Variants in FTO observed in about 807,000 individuals in gnomAD.
FTO encodes the protein alpha-ketoglutarate-dependent dioxygenase FTO.
FTO carries 47 observed loss-of-function variants against 63.9 expected under a neutral mutation model. That is an observed-to-expected ratio of 0.74 (90% CI 0.58 to 0.94). The LOEUF (loss-of-function observed/expected upper bound fraction) is 0.94. FTO is among the 40% of genes least tolerant of loss of function. FTO has a pLI of 0.00. For missense variants in FTO, 562 were observed against 618.1 expected (o/e 0.91, Z 0.96); for synonymous variants, 207 against 224.4 (o/e 0.92, Z 0.69).
intron 7 of FTO, among the ~76,000 whole-genome samples, chr16:53,905,938 A>T (rs148759145): frequency 0.014 from 2,180 of 152,304 alleles, 25 homozygotes; most frequent in Middle Eastern, 0.037. Context: ...GGCGTAATCC[A>T]TTTGAAAAAC....
At chr16:53,708,434 A>G (rs537177939) in intron 1 of FTO, among the ~76,000 whole-genome samples, 4 of 151,910 alleles carry the variant, frequency 2.6e-5, no homozygotes, top group Non-Finnish European at 5.9e-5. Context: ...GTTGATGGAC[A>G]TTTGATTTGT....
intron 6 of FTO, chr16:53,887,001 T>C (rs1205689768): frequency 6.6e-6 from 1 of 152,210 alleles, no homozygotes; most frequent in Non-Finnish European, 1.5e-5. Context: ...GATTTTCAAG[T>C]TGATGAATGA....
At chr16:54,013,603 A>G (rs2084374995) in intron 8 of FTO, 1 of 152,198 alleles carries the variant, frequency 6.6e-6, no homozygotes, top group African/African-American at 2.4e-5. Context: ...TCATTGTCTT[A>G]TTTTAAGAAA....
chr16:53,995,074 A>T (rs2143941159), intron 8 of FTO, among the ~76,000 whole-genome samples: 1 of 152,342 alleles, frequency 6.6e-6, no homozygotes, highest in African/African-American at 2.4e-5. Flanking sequence ...GTACTGCTGT[A>T]TGCAGTGGCC....
chr16:53,811,003 G>A (rs2078505832), intron 2 of FTO, among the ~76,000 whole-genome samples: 1 of 152,162 alleles, frequency 6.6e-6, no homozygotes, highest in Non-Finnish European at 1.5e-5. Flanking sequence ...AATTATCCAG[G>A]AAGTAATCCT....
chr16:53,825,120 G>C (rs1299529673), intron 2 of FTO, among the ~76,000 whole-genome samples: 1 of 152,176 alleles, frequency 6.6e-6, no homozygotes, highest in East Asian at 1.9e-4. Context: ...CATTTACTGA[G>C]TAAATTCTGG....
At chr16:53,773,755 G>A (rs559236914) in intron 1 of FTO, among the ~76,000 whole-genome samples, 1 of 152,220 alleles carries the variant, frequency 6.6e-6, no homozygotes, top group South Asian at 2.1e-4. Context: ...TGTGTGTAAC[G>A]TAAACATATT....
intron 6 of FTO, chr16:53,887,118 G>C (rs532981342): frequency 6.6e-6 from 1 of 152,294 alleles, no homozygotes; most frequent in Non-Finnish European, 1.5e-5. Flanking sequence ...GGGGCAAAAC[G>C]TTCAACCTGA....
At chr16:54,004,874 T>C (rs1325053481) in intron 8 of FTO, among the ~76,000 whole-genome samples, 2 of 151,848 alleles carry the variant, frequency 1.3e-5, no homozygotes, top group African/African-American at 2.4e-5. Flanking sequence ...ATCAAGACCA[T>C]CCTGGCTAGT....
chr16:53,795,565 C>T (rs2078041245), intron 1 of FTO, among the ~76,000 whole-genome samples: 1 of 152,084 alleles, frequency 6.6e-6, no homozygotes, highest in Admixed American at 6.6e-5. Context: ...GTCTCAGCCT[C>T]CCACAAGTGT....
At chr16:53,820,979 T>G (rs950383966) in intron 2 of FTO, among the ~76,000 whole-genome samples, 1 of 152,106 alleles carries the variant, frequency 6.6e-6, no homozygotes, top group African/African-American at 2.4e-5. Context: ...TCCCATGCCA[T>G]TATTTTCTTT....
chr16:53,792,813 TC>T (rs2077961053), intron 1 of FTO, among the ~76,000 whole-genome samples: 2 of 152,182 alleles, frequency 1.3e-5, no homozygotes, highest in African/African-American at 4.8e-5. Flanking sequence ...GAGGAGTTTC[TC>T]CTCTTGGAAA....
chr16:53,917,341 T>C (rs1437359217), intron 7 of FTO, among the ~76,000 whole-genome samples: 1 of 152,228 alleles, frequency 6.6e-6, no homozygotes, highest in Non-Finnish European at 1.5e-5. Context: ...TGGGTTTAAC[T>C]CTTGTCCCCA....
At chr16:54,048,993 AT>A (rs1186144344) in intron 8 of FTO, among the ~76,000 whole-genome samples, 42 of 150,642 alleles carry the variant, frequency 2.8e-4, no homozygotes, top group East Asian at 1.2e-3. Flanking sequence ...GTGCATGGAG[AT>A]TTTTTTTTTC....
intron 8 of FTO, among the ~76,000 whole-genome samples, chr16:54,001,501 G>T (rs1387354146): frequency 1.3e-5 from 2 of 152,154 alleles, no homozygotes; most frequent in Non-Finnish European, 2.9e-5. Context: ...CTATTCTAAT[G>T]ATGGAGGAAA....
chr16:53,997,115 GAAAA>G (rs1213042416), intron 8 of FTO, among the ~76,000 whole-genome samples: 30 of 118,454 alleles, frequency 2.5e-4, no homozygotes, highest in African/African-American at 8.8e-4. Context: ...TCTATCTAAA[GAAAA>G]AAAAGAAAGA....
chr16:53,891,274 G>T (rs933325190), intron 7 of FTO, among the ~76,000 whole-genome samples: 4 of 151,392 alleles, frequency 2.6e-5, no homozygotes, highest in African/African-American at 9.7e-5. Context: ...TTACAGGCGT[G>T]AACCACCATG....
intron 8 of FTO, among the ~76,000 whole-genome samples, chr16:54,108,997 C>T (rs546080242): frequency 2.0e-5 from 3 of 152,286 alleles, no homozygotes; most frequent in South Asian, 2.1e-4. Context: ...TAATTCCCAA[C>T]CTTCTCTTTA....
intron 8 of FTO, among the ~76,000 whole-genome samples, chr16:53,950,910 A>G (rs923572127): frequency 6.6e-6 from 1 of 152,192 alleles, no homozygotes; most frequent in African/African-American, 2.4e-5. Flanking sequence ...GGTGCGGTGC[A>G]CCTAGGCTCT....
Sources: gnomAD v4.1 joint callset for allele counts (sites outside exome capture counted in the v4.1 genomes callset) on GRCh38, gnomAD v4.1.1 for gene constraint, MANE v1.5 for transcripts, NCBI Gene and HGNC (gene_info 2026-07-23, HGNC 2026-07-21) for gene names.